Variants in CREB5 observed in about 807,000 individuals in gnomAD.
CREB5 encodes cAMP responsive element binding protein 5.
CREB5 carries 19 observed loss-of-function variants against 57.1 expected under a neutral mutation model. The observed-to-expected ratio is 0.33, with a 90% CI of 0.23 to 0.49. The LOEUF (loss-of-function observed/expected upper bound fraction) is 0.49, where lower values mean the gene tolerates loss of function less well. Among genes scored for constraint, CREB5 ranks in the 20% least tolerant of loss-of-function variants. CREB5 has a pLI of 0.99. For missense variants in CREB5, 579 were observed against 671.6 expected (o/e 0.86, Z 1.52); for synonymous variants, 238 against 238.3 (o/e 1.00, Z 0.01).
chr7:28,320,151 G>A (rs1480231586), intron 1 of CREB5, among the ~76,000 whole-genome samples: 8 of 151,910 alleles, frequency 5.3e-5, no homozygotes, highest in African/African-American at 1.2e-4. Context: ...GGCTGGTCTC[G>A]AACACCTGAC....
chr7:28,345,273 C>CTTTTTTTTTTTTT (rs58373526), intron 1 of CREB5, among the ~76,000 whole-genome samples: 4 of 148,560 alleles, frequency 2.7e-5, no homozygotes, highest in Non-Finnish European at 3.0e-5. Flanking sequence ...CAAAACAAGT[C>CTTTTTTTTTTTTT]TTTTTTTTTT....
At chr7:28,468,459 A>G (rs1218661230) in intron 1 of CREB5, among the ~76,000 whole-genome samples, 1 of 152,236 alleles carries the variant, frequency 6.6e-6, no homozygotes, top group Non-Finnish European at 1.5e-5. Context: ...GACCAGAGAC[A>G]TGGAACGTGG....
At chr7:28,760,036 A>G (rs1452412327) in intron 7 of CREB5, among the ~76,000 whole-genome samples, 1 of 152,180 alleles carries the variant, frequency 6.6e-6, no homozygotes, top group Admixed American at 6.5e-5. Flanking sequence ...CCCCTTCATT[A>G]GCTGATGTGC....
intron 1 of CREB5, among the ~76,000 whole-genome samples, chr7:28,318,496 G>C (rs1273035551): frequency 1.3e-5 from 2 of 152,228 alleles, no homozygotes; most frequent in Non-Finnish European, 2.9e-5. Context: ...AATTGAAAAT[G>C]TATTATTCAT....
At chr7:28,563,069 T>A (rs1451413823) in intron 4 of CREB5, among the ~76,000 whole-genome samples, 1 of 152,218 alleles carries the variant, frequency 6.6e-6, no homozygotes, top group Non-Finnish European at 1.5e-5. Flanking sequence ...TGTCCTCAAC[T>A]GTATAGTAAC....
chr7:28,411,038 G>A (rs761598788), upstream of CREB5, among the ~76,000 whole-genome samples: 2 of 152,156 alleles, frequency 1.3e-5, no homozygotes, highest in African/African-American at 4.8e-5. Context: ...AAAGCTTCTG[G>A]GGTCTGAGGG....
At chr7:28,594,746 T>C (rs978408793) in intron 5 of CREB5, among the ~76,000 whole-genome samples, 4 of 152,200 alleles carry the variant, frequency 2.6e-5, no homozygotes, top group African/African-American at 9.7e-5. Context: ...AGTTTTCATA[T>C]TAGACTCTGT....
At chr7:28,559,187 C>T (rs1358111666) in intron 4 of CREB5, among the ~76,000 whole-genome samples, 1 of 152,148 alleles carries the variant, frequency 6.6e-6, no homozygotes, top group Non-Finnish European at 1.5e-5. Context: ...TTGGAAGGGC[C>T]CTCACTTCCA....
At chr7:28,788,654 C>T (rs922178036) in intron 7 of CREB5, among the ~76,000 whole-genome samples, 3 of 152,122 alleles carry the variant, frequency 2.0e-5, no homozygotes, top group Non-Finnish European at 4.4e-5. Context: ...CTCCAAAACA[C>T]CAGAGAAGTG....
At chr7:28,506,866 C>A (rs1792501452) in intron 3 of CREB5, among the ~76,000 whole-genome samples, 1 of 152,152 alleles carries the variant, frequency 6.6e-6, no homozygotes, top group Non-Finnish European at 1.5e-5. Flanking sequence ...ATATATTAAG[C>A]TACAAATAGT....
chr7:28,491,260 A>G, intron 2 of CREB5: 1 of 985,418 alleles, frequency 1.0e-6, no homozygotes. Context: ...GTGAGACAGA[A>G]GGGGTGAGCA....
At chr7:28,562,253 G>A (rs1423174933) in intron 4 of CREB5, among the ~76,000 whole-genome samples, 3 of 152,182 alleles carry the variant, frequency 2.0e-5, no homozygotes, top group African/African-American at 7.2e-5. Flanking sequence ...ACAATTCAAG[G>A]CATTAAGAAA....
At position 28,412,909 on chromosome 7, in the gene CREB5, C is replaced by T; in HGVS notation, c.-6C>T. On this transcript the variant is annotated 5_prime_UTR_variant, in exon 1 of 11. Transcript: ENST00000357727. ...GCAACACGTTGCTGCTTTTATTCTA[C>T]AGATAATGGTAAGGATGATGTTTAT... 1 of 1,488,918 alleles carries T rather than the reference C, an allele frequency of 6.7e-7. No homozygotes were observed. Among genetic ancestry groups the T allele is most frequent in the South Asian group, 1.5e-5 (1 of 67,310 alleles). 92.2% of individuals were successfully genotyped at this position (1,488,918 alleles called of 1,614,324 possible). A position where few individuals can be genotyped will look rare whatever the true frequency, so the allele number is the denominator to read the frequency against.
rs1316976600 is a variant in CREB5, at chr7:28,804,367, C to A, written c.871C>A (p.Pro291Thr). 1 of 1,613,654 alleles carries A rather than the reference C, an allele frequency of 6.2e-7. No individual in the cohort carries two copies. The change falls in exon 8 of 11, where the codon CCA (proline) becomes ACA (threonine). Residue 291 changes from proline (P) to threonine (T), a missense_variant. Physicochemically the swap from Pro to Thr is conservative, Grantham distance 38. Around this residue, in one of 3 missense-constraint regions of CREB5, gnomAD observed 459 missense variants for 515.7 expected, o/e 0.89. Transcript: ENST00000357727. Reference protein sequence around the residue: ...HQTLPPHHPYPHQHQHPAHHP... With the variant: ...HQTLPPHHPYTHQHQHPAHHP... ...GACACTGCCACCCCATCACCCTTAC[C>A]CACACCAGCACCAGCACCCAGCACA...
At chr7:28,641,870 A>T (rs941557071) in intron 5 of CREB5, among the ~76,000 whole-genome samples, 6 of 152,160 alleles carry the variant, frequency 3.9e-5, no homozygotes, top group Non-Finnish European at 8.8e-5. Flanking sequence ...GATCATGGAA[A>T]CCAGAAATAC....
chr7:28,398,485 T>C (rs1286713967), intron 1 of CREB5, among the ~76,000 whole-genome samples: 1 of 152,158 alleles, frequency 6.6e-6, no homozygotes, highest in East Asian at 1.9e-4. Context: ...ACCTTTGCTA[T>C]CCCATATCAA....
chr7:28,460,360 A>T (rs754706659), intron 1 of CREB5, among the ~76,000 whole-genome samples: 41 of 152,244 alleles, frequency 2.7e-4, no homozygotes, highest in Non-Finnish European at 5.0e-4. Flanking sequence ...ACTTCAAAAT[A>T]ACCCAATGAT....
At position 28,560,901 on chromosome 7, in the gene CREB5, C is replaced by CGTGCGTGTGTGCGTGCGTGTGT. The variant is rs1368518820; in HGVS notation, c.292-9463_292-9462insTGCGTGTGTGCGTGCGTGTGTG. Reference sequence around the variant, plus strand: ...GTGCGTGCGTGCGTGTGTGTGCGTGCGCGCGTGCGTGTGCGTGTGTGCGCG... The same window carrying CGTGCGTGTGTGCGTGCGTGTGT: ...GTGCGTGCGTGCGTGTGTGTGCGTGCGTGCGTGTGTGCGTGCGTGTGTGCGCGTGCGTGTGCGTGTGTGCGCG... On this transcript the variant is annotated intron_variant, in intron 4 of 10. Transcript: ENST00000357727. Among the ~76,000 whole-genome samples the CGTGCGTGTGTGCGTGCGTGTGT allele has an allele frequency of 2.7e-3, 58 of 21,666 alleles. 9 individuals are homozygous for CGTGCGTGTGTGCGTGCGTGTGT. Among genetic ancestry groups the CGTGCGTGTGTGCGTGCGTGTGT allele is most frequent in the East Asian group, 0.011 (4 of 348 alleles). The allele number at this position is 21,666 out of a possible 152,430, so 14.2% of individuals were successfully genotyped here.
chr7:28,398,278 C>T (rs772934107), intron 1 of CREB5, among the ~76,000 whole-genome samples: 5 of 152,082 alleles, frequency 3.3e-5, no homozygotes, highest in South Asian at 2.1e-4. Flanking sequence ...ATGAGTAGAG[C>T]GCTCCATGGT....
Sources: gnomAD v4.1 joint callset for allele counts (sites outside exome capture counted in the v4.1 genomes callset) on GRCh38, gnomAD v4.1.1 for gene constraint, gnomAD v4.1.1 regional missense constraint, MANE v1.5 for transcripts, NCBI Gene and HGNC (gene_info 2026-07-23, HGNC 2026-07-21) for gene names.